PHF3: variants seen among roughly 807,000 people sequenced by gnomAD.
PHF3 encodes the protein PHD finger protein 3.
PHF3 carries 41 observed loss-of-function variants against 178.4 expected under a neutral mutation model. The ratio of observed to expected loss-of-function variants is 0.23; its 90% CI spans 0.18 to 0.30. PHF3 has a LOEUF of 0.30. PHF3 is among the 10% of genes least tolerant of loss of function. The pLI, the probability that PHF3 is intolerant of heterozygous loss-of-function variation, is 1.00. For missense variants in PHF3, 2,346 were observed against 2,398.1 expected (o/e 0.98, Z 0.45); for synonymous variants, 842 against 800.5 (o/e 1.05, Z -0.88).
In PHF3 at chr6:63,713,694, A is replaced by G. The variant is rs767639153; in HGVS notation, c.6106A>G (p.Lys2036Glu). The change falls in exon 16 of 16, where the codon AAA becomes GAA. Residue 2036 changes from lysine to glutamate, a missense_variant. Around this residue, in one of 8 missense-constraint regions of PHF3, gnomAD observed 839 missense variants for 806.9 expected, o/e 1.04. Transcript: ENST00000262043. Reference sequence around the variant, plus strand: ...AGATAGGGACCACACTGACAGAACTAAAAGCAAAAGGTAAAATTTGCAGGC... The same window carrying G: ...AGATAGGGACCACACTGACAGAACTGAAAGCAAAAGGTAAAATTTGCAGGC... ...HKDRDHTDRT[K>E]SKR The G allele has an allele frequency of 2.6e-6, 4 of 1,560,006 alleles. No individual in the cohort carries two copies. In the South Asian group the frequency reaches 4.9e-5, roughly 19 times the overall value.
intron 2 of PHF3, among the ~76,000 whole-genome samples, chr6:63,655,798 A>G (rs1303256708): frequency 6.6e-6 from 1 of 151,768 alleles, no homozygotes; most frequent in African/African-American, 2.4e-5. Flanking sequence ...TTCTATGTAG[A>G]TATTTCTTCT....
intron 3 of PHF3, among the ~76,000 whole-genome samples, chr6:63,681,616 C>T (rs1766439788): frequency 6.6e-6 from 1 of 151,794 alleles, no homozygotes; most frequent in African/African-American, 2.4e-5. Context: ...GAGAATGGTC[C>T]TTTCTGTAGT....
chr6:63,698,312 GCAGATCAGAT>G lies in PHF3; in HGVS notation c.2774_2783del (p.Asp925GlyfsTer13). 1 of 1,612,950 alleles carries G rather than the reference GCAGATCAGAT, an allele frequency of 6.2e-7. No homozygotes were observed. The highest frequency in any genetic ancestry group is 8.5e-7 in the Non-Finnish European group (1 of 1,179,202). ...TGCTGCTTCTGCTTCCAAGCCTTCT[GCAGATCAGAT>G]CAGGCAAAGTGTCAGACATTCTCTC... On this transcript the variant is annotated frameshift_variant, in exon 7 of 16. Transcript: ENST00000262043. LOFTEE classifies it high-confidence loss of function.
chr6:63,695,063 G>A (rs1465843712), intron 6 of PHF3, among the ~76,000 whole-genome samples: 1 of 152,136 alleles, frequency 6.6e-6, no homozygotes, highest in Non-Finnish European at 1.5e-5. Flanking sequence ...TACAGCTTGA[G>A]AAGAAAAAGT....
chr6:63,641,362 C>T (rs1764563542), intron 1 of PHF3, among the ~76,000 whole-genome samples: 2 of 152,092 alleles, frequency 1.3e-5, no homozygotes, highest in Non-Finnish European at 1.5e-5. Flanking sequence ...CCTTGTATAA[C>T]TTTTCTTGAG....
chr6:63,712,042 A>T lies in PHF3; in HGVS notation c.4454A>T (p.Gln1485Leu). The stretch of plus-strand genomic sequence containing the variant: ...ACTGGTCAAGTATATGACCAGGCCC[A>T]GTCAGTGATGGAACAAAACACTGTT... The part of the protein sequence containing the change: ...GTTGQVYDQA[Q>L]SVMEQNTVKE... Residue 1485 changes from glutamine to leucine, a missense_variant, in exon 16 of 16, where the codon CAG becomes CTG. Coordinates refer to ENST00000262043, the MANE Select transcript of PHF3 (RefSeq NM_001370348.2). 6.2e-7 allele frequency: 1 copy of T among 1,613,830 alleles called. No individual in the cohort carries two copies. The highest frequency in any genetic ancestry group is 8.5e-7 in the Non-Finnish European group (1 of 1,179,930).
rs777898674 is a variant in PHF3 at position 63,691,889 on chromosome 6, A to G, written c.2342A>G (p.Asp781Gly). 4 of 1,613,718 alleles carry G rather than the reference A, an allele frequency of 2.5e-6. No individual in the cohort carries two copies. In the African/African-American group the frequency reaches 5.3e-5, roughly 22 times the overall value. Residue 781 changes from aspartate to glycine, a missense_variant, in exon 5 of 16, where the codon GAT becomes GGT. Physicochemically the swap from Asp to Gly is moderately conservative, Grantham distance 94 (BLOSUM62 -1). Transcript: ENST00000262043. Reference protein sequence around the residue: ...AEEDKKTEILDPDTLENQATV... With the variant: ...AEEDKKTEILGPDTLENQATV... ...GAAGACAAAAAGACTGAAATACTAG[A>G]TCCAGATACTTTGGAAAACCAAGCT...
At chr6:63,667,802 G>A (rs1412314010) in intron 2 of PHF3, among the ~76,000 whole-genome samples, 3 of 152,198 alleles carry the variant, frequency 2.0e-5, no homozygotes, top group Non-Finnish European at 4.4e-5. Flanking sequence ...TTTTCTGCAA[G>A]TTGGAAATTA....
chr6:63,657,112 T>C (rs1328667497), intron 2 of PHF3, among the ~76,000 whole-genome samples: 10 of 152,220 alleles, frequency 6.6e-5, no homozygotes, highest in Admixed American at 6.5e-4. Flanking sequence ...CTGGTGCTTT[T>C]TACGTATTTC....
chr6:63,667,945 G>A (rs1372215809), intron 2 of PHF3, among the ~76,000 whole-genome samples: 2 of 152,206 alleles, frequency 1.3e-5, no homozygotes, highest in Non-Finnish European at 2.9e-5. Context: ...GGTTAAGGTA[G>A]TGAGAGCAAA....
Position 63,644,319 on chromosome 6 carries a change from C to G in PHF3, c.-25-2208C>G, listed in dbSNP as rs186860287. 1.8e-3 allele frequency among the ~76,000 whole-genome samples: 270 copies of G among 152,130 alleles called. 4 individuals carry two copies. Among genetic ancestry groups the G allele is most frequent in the African/African-American group, 6.1e-3 (255 of 41,510 alleles). ...CAGATAAATGAATTCATTGGTAGTT[C>G]TACTTAATTTTGTAAACATTTAGTG... On this transcript the variant is annotated intron_variant, in intron 1 of 15. Transcript: ENST00000262043.
chr6:63,665,490 T>TG (rs1765643170), intron 2 of PHF3, among the ~76,000 whole-genome samples: 1 of 144,932 alleles, frequency 6.9e-6, no homozygotes, highest in African/African-American at 2.6e-5. Context: ...TTTTTTGTTT[T>TG]TTTTTTTTTT....
intron 5 of PHF3, among the ~76,000 whole-genome samples, chr6:63,692,605 T>G (rs115618005): frequency 0.012 from 1,816 of 152,324 alleles, 31 homozygotes; most frequent in African/African-American, 0.042. Flanking sequence ...AGAATACTGA[T>G]AGAGAGGAGA....
In PHF3 at chr6:63,646,549, T is replaced by A. The variant is rs1234704441; in HGVS notation, c.-3T>A. 1 of 1,607,682 alleles carries A rather than the reference T, an allele frequency of 6.2e-7. No homozygotes were observed. The highest frequency in any genetic ancestry group is 1.7e-5 in the Admixed American group (1 of 59,618). ...TAGGGCTGAAAGACACACAGAAGTC[T>A]TCATGGATATAGTTGATACATTTAA... is the stretch of plus-strand genomic sequence containing the variant. On this transcript the variant is annotated 5_prime_UTR_variant, in exon 2 of 16. Coordinates refer to ENST00000262043, the MANE Select transcript of PHF3 (RefSeq NM_001370348.2).
intron 2 of PHF3, among the ~76,000 whole-genome samples, chr6:63,664,138 C>T (rs532284113): frequency 1.3e-5 from 2 of 152,256 alleles, no homozygotes; most frequent in Admixed American, 6.5e-5. Flanking sequence ...TTCTATAGTT[C>T]AGTCTGTGAG....
intron 1 of PHF3, among the ~76,000 whole-genome samples, chr6:63,637,535 A>G (rs2149531587): frequency 6.6e-6 from 1 of 152,338 alleles, no homozygotes; most frequent in East Asian, 1.9e-4. Context: ...GTTATTTTAA[A>G]TAGTAATTTT....
chr6:63,718,445 TTTG>T lies in PHF3; in HGVS notation c.*4740_*4742del, dbSNP rs1361280819. On this transcript the variant is annotated 3_prime_UTR_variant, in exon 16 of 16. Coordinates refer to ENST00000262043, the MANE Select transcript of PHF3 (RefSeq NM_001370348.2). ...AATCAAATGATAAACGTTAAAAATA[TTTG>T]TTAATGATAATCTCATCTGTTAATG... is the stretch of plus-strand genomic sequence containing the variant. Among the ~76,000 whole-genome samples the T allele has an allele frequency of 6.6e-6, 1 of 152,028 alleles. No individual in the cohort carries two copies. Among genetic ancestry groups the T allele is most frequent in the Admixed American group, 6.6e-5 (1 of 15,224 alleles).
intron 8 of PHF3, among the ~76,000 whole-genome samples, chr6:63,698,924 A>G (rs1767352381): frequency 6.6e-6 from 1 of 152,200 alleles, no homozygotes; most frequent in Non-Finnish European, 1.5e-5. Context: ...GCTAAAATTT[A>G]TAACACTATT....
chr6:63,661,170 C>T (rs1444449452), intron 2 of PHF3, among the ~76,000 whole-genome samples: 1 of 152,064 alleles, frequency 6.6e-6, no homozygotes, highest in Non-Finnish European at 1.5e-5. Context: ...GAGGTTTAGC[C>T]ATACTTTAAT....
Sources: allele counts gnomAD v4.1 joint callset (sites outside exome capture counted in the v4.1 genomes callset), GRCh38; gene constraint gnomAD v4.1.1; regional missense constraint gnomAD v4.1.1; transcripts MANE v1.5; gene names NCBI Gene and HGNC (gene_info 2026-07-23, HGNC 2026-07-21).